ITGA7: variants seen among roughly 807,000 people sequenced by gnomAD.
ITGA7 encodes integrin subunit alpha 7, also known as integrin alpha-7.
In ITGA7, 84 loss-of-function variants were observed where a neutral mutation model predicts 131.6. The ratio of observed to expected loss-of-function variants is 0.64; its 90% CI spans 0.54 to 0.77. ITGA7 has a LOEUF of 0.77. ITGA7 is among the 30% of genes least tolerant of loss of function. The pLI is 0.00. For missense variants in ITGA7, 1,399 were observed against 1,482.9 expected (o/e 0.94, Z 0.93); for synonymous variants, 548 against 600.7 (o/e 0.91, Z 1.28).
At chr12:55,707,442 GGGCAT>G (rs1592496052) in intron 1 of ITGA7, 30 bp downstream of exon 1, 1 of 1,551,288 alleles carries the variant, frequency 6.4e-7, no homozygotes, top group African/African-American at 1.4e-5. Flanking sequence ...TCTGTGGCTC[GGGCAT>G]GGCGACTCTG....
chr12:55,693,842 G>A (rs980726053), intron 19 of ITGA7, among the ~76,000 whole-genome samples, 179 bp downstream of exon 19: 2 of 152,154 alleles, frequency 1.3e-5, no homozygotes, highest in African/African-American at 4.8e-5. Context: ...CCAGGAAATG[G>A]TCAAATGAGG....
rs376003902 is a variant in ITGA7, at chr12:55,699,898, G to C, written c.762C>G (p.Ala254=). ...AGTAGCTATTGAGGGCCAAGTCTCCGGCTGGTCCTGGGAGCCGGTCAGCAG... is the reference window on the plus strand; with the variant it reads ...AGTAGCTATTGAGGGCCAAGTCTCCCGCTGGTCCTGGGAGCCGGTCAGCAG... ...LDPADRLPGP[A]GDLALNSYLG... is the part of the protein sequence containing the mutation. Residue 254 remains alanine, a synonymous_variant, in exon 5 of 25, where the codon GCC becomes GCG. Coordinates refer to ENST00000257879, the MANE Select transcript of ITGA7 (RefSeq NM_002206.3). The C allele has an allele frequency of 7.4e-6, 12 of 1,612,192 alleles. No homozygotes were observed. The East Asian group carries it at 2.7e-4, about 36-fold the overall frequency.
chr12:55,700,910 T>C lies in ITGA7; in HGVS notation c.659A>G (p.Tyr220Cys), dbSNP rs748436706. Reference protein sequence around the residue: ...HYLLFGAPGTYNWKGLLFVTN... With the variant: ...HYLLFGAPGTCNWKGLLFVTN... ...GAGGAGTGACTCACCCTTCCAATTA[T>C]AGGTTCCTGGGGCCCCAAAGAGGAG... The change falls in exon 4 of 25, where the codon TAT becomes TGT. Residue 220 changes from tyrosine to cysteine, a missense_variant. Transcript: ENST00000257879. 8 of 1,614,100 alleles carry C rather than the reference T, an allele frequency of 5.0e-6. No individual in the cohort carries two copies. In the East Asian group the frequency reaches 1.6e-4, roughly 31 times the overall value.
At chr12:55,708,892 T>A (rs1175827752), upstream of ITGA7, among the ~76,000 whole-genome samples, 1 of 152,138 alleles carries the variant, frequency 6.6e-6, no homozygotes, top group Non-Finnish European at 1.5e-5. Flanking sequence ...CCTCTTCCTC[T>A]CCCTTTCCCT....
At chr12:55,686,845 T>C (rs1870263376) in intron 24 of ITGA7, among the ~76,000 whole-genome samples, 1 of 152,246 alleles carries the variant, frequency 6.6e-6, no homozygotes, top group Non-Finnish European at 1.5e-5. Flanking sequence ...TTCTCCGTGC[T>C]TGTTGGCCTT....
chr12:55,694,010 C>T lies in ITGA7; in HGVS notation c.2535+11G>A. ...GGGTGACCATGGAGGGGCCTCATCC[C>T]TGACACTTACCGTGACCTCATACTT... is the stretch of plus-strand genomic sequence containing the variant. On this transcript the variant is annotated intron_variant, in intron 19 of 24. Transcript: ENST00000257879. This position sits in a 1 kb window ranked among gnomAD's most constrained non-coding sequence, Gnocchi z 5.3. The T allele has an allele frequency of 6.2e-7, 1 of 1,608,382 alleles. No individual in the cohort carries two copies. The highest frequency in any genetic ancestry group is 8.5e-7 in the Non-Finnish European group (1 of 1,175,904).
At chr12:55,713,434 A>C (rs2136124422), upstream of ITGA7, among the ~76,000 whole-genome samples, 1 of 152,356 alleles carries the variant, frequency 6.6e-6, no homozygotes, top group Non-Finnish European at 1.5e-5. Context: ...TGGTTTATGC[A>C]GTATACAGCG....
At position 55,688,951 on chromosome 12, in the gene ITGA7, C is replaced by T. The variant is rs778278404; in HGVS notation, c.2851G>A (p.Ala951Thr). 9 of 1,613,510 alleles carry T rather than the reference C, an allele frequency of 5.6e-6. No homozygotes were observed. Among genetic ancestry groups the T allele is most frequent in the African/African-American group, 2.7e-5 (2 of 74,870 alleles). Residue 951 changes from alanine to threonine, a missense_variant, in exon 22 of 25, where the codon GCC (alanine) becomes ACC (threonine). By Grantham distance (58) the Ala-to-Thr change is moderately conservative. Coordinates refer to ENST00000257879, the MANE Select transcript of ITGA7 (RefSeq NM_002206.3). The stretch of plus-strand genomic sequence containing the variant: ...ACCACACAGTTGGCCGTGCCCCGGG[C>T]GCAGTCCTAGGGATAAGGACAGACA... ...EKKKNITLDC[A>T]RGTANCVVFS...
At position 55,694,403 on chromosome 12, in the gene ITGA7, G is replaced by T; in HGVS notation, c.2357+40C>A. The T allele has an allele frequency of 6.2e-7, 1 of 1,612,356 alleles. No individual in the cohort carries two copies. Among genetic ancestry groups the T allele is most frequent in the South Asian group, 1.1e-5 (1 of 91,028 alleles). On this transcript the variant is annotated intron_variant, in intron 17 of 24. Transcript: ENST00000257879. The surrounding 1 kb of genome is among the most constrained non-coding windows in gnomAD (Gnocchi z 5.3). ...CCAAGGGGTCAGATGAGGTCAATAT[G>T]ACTACCCCCACCTCACCCTTCCGGC...
Position 55,693,314 on chromosome 12 carries a change from A to T in ITGA7, c.2539T>A (p.Ser847Thr). ...GSKVKYEVTV[S>T]NQGQSLRTLG... ...GTTCTGAGCGACTGGCCTTGGTTGGAAACCTGTGGGAAAAAGAGAGTATGA... is the reference window on the plus strand; with the variant it reads ...GTTCTGAGCGACTGGCCTTGGTTGGTAACCTGTGGGAAAAAGAGAGTATGA... The change falls in exon 20 of 25, where the codon TCC becomes ACC. Residue 847 changes from serine (S) to threonine (T), a missense_variant. By Grantham distance (58) the Ser-to-Thr change is moderately conservative. Coordinates refer to ENST00000257879, the MANE Select transcript of ITGA7 (RefSeq NM_002206.3). 2.5e-6 allele frequency: 4 copies of T among 1,613,678 alleles called. No individual in the cohort carries two copies. The highest frequency in any genetic ancestry group is 3.4e-6 in the Non-Finnish European group (4 of 1,179,844).
At chr12:55,702,689 C>G in intron 3 of ITGA7, 183 bp downstream of exon 3, 1 of 647,096 alleles carries the variant, frequency 1.5e-6, no homozygotes, top group Non-Finnish European at 2.8e-6. Flanking sequence ...AATGGACAGA[C>G]ATTTTTACAT....
At chr12:55,708,287 G>A (rs1056682491), upstream of ITGA7, among the ~76,000 whole-genome samples, 6 of 152,252 alleles carry the variant, frequency 3.9e-5, no homozygotes, top group African/African-American at 1.2e-4. Context: ...TGTGCAGATA[G>A]AGAGGAAATG....
rs1451062668 is a variant in ITGA7 at position 55,700,144 on chromosome 12, A to G, written c.671-155T>C. On this transcript the variant is annotated intron_variant, in intron 4 of 24. Coordinates refer to ENST00000257879, the MANE Select transcript of ITGA7 (RefSeq NM_002206.3). ...AGAGATCACAGCCAGAGACAGAAAGACAGAGAGAGACAAGGTGAGAGACAG... is the reference window on the plus strand; with the variant it reads ...AGAGATCACAGCCAGAGACAGAAAGGCAGAGAGAGACAAGGTGAGAGACAG... The G allele has an allele frequency of 1.1e-5, 15 of 1,406,902 alleles. No individual in the cohort carries two copies. In the East Asian group the frequency reaches 3.0e-4, roughly 28 times the overall value. The allele number at this position is 1,406,902 out of a possible 1,614,324, so 87.2% of individuals were successfully genotyped here.
chr12:55,708,132 C>T, upstream of ITGA7: 2 of 736,990 alleles, frequency 2.7e-6, no homozygotes, highest in Non-Finnish European at 3.3e-6. Flanking sequence ...CCCCCAACCC[C>T]ATCCCCACCC....
Position 55,694,541 on chromosome 12 carries a change from G to A in ITGA7, c.2278-19C>T. 1 of 1,614,002 alleles carries A rather than the reference G, an allele frequency of 6.2e-7. No individual in the cohort carries two copies. The highest frequency in any genetic ancestry group is 1.1e-5 in the South Asian group (1 of 91,078). ...AGGTGACCTAGGCCAAGGGTGGAAA[G>A]AGATTAGAGTCAGGGGTGGTCTACG... is the stretch of plus-strand genomic sequence containing the variant. On this transcript the variant is annotated intron_variant, in intron 16 of 24. Coordinates refer to ENST00000257879, the MANE Select transcript of ITGA7 (RefSeq NM_002206.3). This position sits in a 1 kb window ranked among gnomAD's most constrained non-coding sequence, Gnocchi z 5.3.
upstream of ITGA7, chr12:55,716,043 TCACGTGA>T (rs1876488052): frequency 3.2e-6 from 5 of 1,547,426 alleles, no homozygotes; most frequent in Non-Finnish European, 4.4e-6. Flanking sequence ...GACACAGCGG[TCACGTGA>T]CATGGCCCCG....
At chr12:55,695,686 G>T (rs1872494002) in intron 13 of ITGA7, 49 bp from the exon 14 acceptor site, 2 of 1,283,750 alleles carry the variant, frequency 1.6e-6, no homozygotes, top group South Asian at 1.2e-5. Flanking sequence ...CAAGGCAGGG[G>T]GCAAACCTGT....
chr12:55,712,672 T>C (rs918574378), upstream of ITGA7, among the ~76,000 whole-genome samples: 1 of 152,226 alleles, frequency 6.6e-6, no homozygotes. Context: ...TGTATGCGAC[T>C]TGTGTCCATC....
At chr12:55,685,925 C>T (rs996675611) in intron 24 of ITGA7, among the ~76,000 whole-genome samples, 2 of 152,206 alleles carry the variant, frequency 1.3e-5, no homozygotes, top group African/African-American at 2.4e-5. Flanking sequence ...CATCTCCTTG[C>T]ACACTCATGC....
Sources: gnomAD v4.1 joint callset for allele counts (sites outside exome capture counted in the v4.1 genomes callset) on GRCh38, gnomAD v4.1.1 for gene constraint, Gnocchi (gnomAD v3.1) non-coding constraint, MANE v1.5 for transcripts, NCBI Gene and HGNC (gene_info 2026-07-23, HGNC 2026-07-21) for gene names.